Variants in DHX8 observed in about 807,000 individuals in gnomAD.
The protein encoded by DHX8 is DEAH-box helicase 8.
DHX8 carries 67 observed loss-of-function variants against 140.7 expected under a neutral mutation model. That is an observed-to-expected ratio of 0.48 (90% CI 0.39 to 0.58). The LOEUF (loss-of-function observed/expected upper bound fraction) is 0.58. Among genes scored for constraint, DHX8 ranks in the 20% least tolerant of loss-of-function variants. The pLI is 0.00. For missense variants in DHX8, 887 were observed against 1,550.7 expected, an observed-to-expected ratio of 0.57 and a Z score of 7.19; for synonymous variants, 533 against 553.2, an observed-to-expected ratio of 0.96 and a Z score of 0.51.
At chr17:43,529,587 C>T (rs780428673), downstream of DHX8, 2 of 1,614,098 alleles carry the variant, frequency 1.2e-6, no homozygotes, top group Non-Finnish European at 8.5e-7. Flanking sequence ...TCCAGCAAGG[C>T]CACCAGAAAT....
intron 2 of DHX8, chr17:43,532,919 A>G (rs747074176): frequency 2.5e-6 from 4 of 1,578,636 alleles, no homozygotes; most frequent in Non-Finnish European, 3.4e-6. Flanking sequence ...GCAAATGTCC[A>G]GGGGCTGCTG....
In DHX8 at chr17:43,493,522, G is replaced by A; in HGVS notation, c.941G>A (p.Ser314Asn). The change falls in exon 7 of 23, where the codon AGC (serine) becomes AAC (asparagine). Residue 314 changes from serine (S) to asparagine (N), a missense_variant. By Grantham distance (46) the Ser-to-Asn change is conservative. Transcript: ENST00000262415. ...GRVANVADVVSKGQRVKVKVL... is the reference protein window; with the variant it reads ...GRVANVADVVNKGQRVKVKVL... ...GTGGCCAATGTAGCTGATGTCGTGA[G>A]CAAAGGCCAGAGGGTCAAAGTCAAA... is the stretch of plus-strand genomic sequence containing the variant. 1 of 1,614,206 alleles carries A rather than the reference G, an allele frequency of 6.2e-7. No individual in the cohort carries two copies. The highest frequency in any genetic ancestry group is 1.1e-5 in the South Asian group (1 of 91,088).
At chr17:43,510,033 T>G (rs1004826209) in intron 16 of DHX8, among the ~76,000 whole-genome samples, 7 of 151,110 alleles carry the variant, frequency 4.6e-5, no homozygotes, top group African/African-American at 9.7e-5. Flanking sequence ...ATTTACTGTT[T>G]TTTGTTTGTT....
At chr17:43,499,873 A>G (rs1403188416) in intron 10 of DHX8, 83 bp from the exon 11 acceptor site, 1 of 1,462,848 alleles carries the variant, frequency 6.8e-7, no homozygotes, top group East Asian at 2.3e-5. Context: ...ATGTAGTCTC[A>G]TGTTTTAGAT....
At chr17:43,511,622 T>C (rs2154586729) in intron 16 of DHX8, among the ~76,000 whole-genome samples, 2 of 150,796 alleles carry the variant, frequency 1.3e-5, no homozygotes, top group African/African-American at 4.9e-5. Flanking sequence ...CATGCCTGGC[T>C]AATTTTTGTA....
chr17:43,532,398 C>G, intron 2 of DHX8, among the ~76,000 whole-genome samples: 1 of 151,950 alleles, frequency 6.6e-6, no homozygotes, highest in East Asian at 1.9e-4. Context: ...ACTCGGGAGG[C>G]TGAGGCACAA....
chr17:43,536,112 G>A (rs1444534519), intron 2 of DHX8, among the ~76,000 whole-genome samples: 1 of 145,980 alleles, frequency 6.9e-6, no homozygotes, highest in African/African-American at 2.5e-5. Flanking sequence ...CTCTGTCTTG[G>A]GGGGAAAACA....
chr17:43,544,707 A>T (rs1971711064), downstream of DHX8: 1 of 352,310 alleles, frequency 2.8e-6, no homozygotes, highest in Non-Finnish European at 5.2e-6. Context: ...CATTCAAATA[A>T]GCAAATACCC....
Position 43,507,993 on chromosome 17 carries a change from T to C in DHX8, c.2294T>C (p.Met765Thr), listed in dbSNP as rs1183282462. The change falls in exon 15 of 23, where the codon ATG becomes ACG. Residue 765 changes from methionine to threonine, a missense_variant. By Grantham distance (81) the Met-to-Thr change is moderately conservative. Coordinates refer to ENST00000262415, the MANE Select transcript of DHX8 (RefSeq NM_004941.3). ...DYLDASLITVMQIHLTEPPGD... is the reference protein window; with the variant it reads ...DYLDASLITVTQIHLTEPPGD... ...CTGGATGCCAGCCTGATTACTGTTATGCAGATTCATTTAACAGAACCACCA... is the reference window on the plus strand; with the variant it reads ...CTGGATGCCAGCCTGATTACTGTTACGCAGATTCATTTAACAGAACCACCA... The C allele has an allele frequency of 6.2e-7, 1 of 1,614,082 alleles. No homozygotes were observed. The highest frequency in any genetic ancestry group is 8.5e-7 in the Non-Finnish European group (1 of 1,180,034).
In DHX8 at chr17:43,504,960, G is replaced by A. The variant is rs1046539739; in HGVS notation, c.1728+135G>A. ...CTCATCCAAAAGAGTTAAGAAAGAA[G>A]GATAAAACTTTCTAAATACTTTTTT... On this transcript the variant is annotated intron_variant, in intron 12 of 22. Coordinates refer to ENST00000262415, the MANE Select transcript of DHX8 (RefSeq NM_004941.3). The A allele has an allele frequency of 2.9e-4, 248 of 851,350 alleles. 1 individual carries two copies. Among genetic ancestry groups the A allele is most frequent in the Non-Finnish European group, 1.4e-4 (80 of 563,828 alleles). The allele number at this position is 851,350 out of a possible 1,614,324, so 52.7% of individuals were successfully genotyped here. A position where few individuals can be genotyped will look rare whatever the true frequency, so the allele number is the denominator to read the frequency against.
downstream of DHX8, chr17:43,529,950 A>G: frequency 6.2e-7 from 1 of 1,614,164 alleles, no homozygotes; most frequent in African/African-American, 1.3e-5. Context: ...TCATAGCCAT[A>G]GCCTTGTGGA....
At chr17:43,532,756 GTC>G in intron 2 of DHX8, 1 of 1,613,972 alleles carries the variant, frequency 6.2e-7, no homozygotes. Context: ...CCCCACCCTG[GTC>G]CACGGCTGGC....
intron 8 of DHX8, 32 bp from the exon 9 acceptor site, chr17:43,496,149 G>A: frequency 6.4e-7 from 1 of 1,565,806 alleles, no homozygotes. Flanking sequence ...ATCTTAGCAG[G>A]TTACAAATGC....
intron 6 of DHX8, among the ~76,000 whole-genome samples, 191 bp from the exon 7 acceptor site, chr17:43,493,254 T>C (rs1004638057): frequency 6.6e-6 from 1 of 152,208 alleles, no homozygotes; most frequent in African/African-American, 2.4e-5. Context: ...TTGGGACAGA[T>C]AGAATTTGCT....
At chr17:43,535,908 C>G (rs946099130) in intron 2 of DHX8, among the ~76,000 whole-genome samples, 1 of 152,156 alleles carries the variant, frequency 6.6e-6, no homozygotes, top group Non-Finnish European at 1.5e-5. Context: ...GTCAGGAATT[C>G]GAGACCATCC....
Position 43,522,121 on chromosome 17 carries a change from G to A in DHX8, c.3338G>A (p.Arg1113His), listed in dbSNP as rs758920672. ...AAGGCCATCTGCAGTGGGTTCTTCC[G>A]TAATGCTGCCAAGAAAGACCCGCAG... is the stretch of plus-strand genomic sequence containing the variant. ...VQKAICSGFF[R>H]NAAKKDPQEG... The change falls in exon 22 of 23, where the codon CGT becomes CAT. Residue 1113 changes from arginine to histidine, a missense_variant. Arg to His is a conservative substitution (Grantham distance 29, BLOSUM62 0). Around this residue, in one of 9 missense-constraint regions of DHX8, gnomAD observed 101 missense variants for 168.2 expected, o/e 0.60. Transcript: ENST00000262415. The A allele has an allele frequency of 4.3e-6, 7 of 1,613,980 alleles. No homozygotes were observed. Among genetic ancestry groups the A allele is most frequent in the South Asian group, 2.2e-5 (2 of 91,076 alleles).
At chr17:43,544,263 C>G (rs541299872) in exon 4 of DHX8, 1 of 153,272 alleles carries the variant, frequency 6.5e-6, no homozygotes, top group East Asian at 1.9e-4. Flanking sequence ...GCCACGGACC[C>G]AGCCACGGAC....
downstream of DHX8, chr17:43,529,016 G>T: frequency 1.0e-6 from 1 of 997,082 alleles, no homozygotes; most frequent in Non-Finnish European, 1.6e-6. Context: ...TTGTCTCTCT[G>T]ACTGATTCAT....
intron 12 of DHX8, among the ~76,000 whole-genome samples, 171 bp downstream of exon 12, chr17:43,504,996 G>T (rs1371298344): frequency 3.3e-5 from 5 of 152,034 alleles, no homozygotes; most frequent in Non-Finnish European, 7.4e-5. Context: ...TTTAAATGGG[G>T]CTGGGCGCGG....
Sources: allele counts gnomAD v4.1 joint callset (sites outside exome capture counted in the v4.1 genomes callset), GRCh38; gene constraint gnomAD v4.1.1; regional missense constraint gnomAD v4.1.1; transcripts MANE v1.5; gene names NCBI Gene and HGNC (gene_info 2026-07-23, HGNC 2026-07-21).